Variants in BRINP3 observed in about 807,000 individuals in gnomAD.
The protein encoded by BRINP3 is BMP/retinoic acid-inducible neural-specific protein 3.
In BRINP3, 19 loss-of-function variants were observed where a neutral mutation model predicts 71.0. The observed-to-expected ratio is 0.27, with a 90% CI of 0.19 to 0.39. The LOEUF is 0.39. Among genes scored for constraint, BRINP3 ranks in the 10% least tolerant of loss-of-function variants. The pLI is 1.00. For synonymous variants in BRINP3, 380 were observed against 337.7 expected, an observed-to-expected ratio of 1.13 and a Z score of -1.37; for missense variants, 959 against 940.8, an observed-to-expected ratio of 1.02 and a Z score of -0.25.
intron 2 of BRINP3, among the ~76,000 whole-genome samples, chr1:190,384,856 A>C (rs1319327671): frequency 6.6e-6 from 1 of 152,020 alleles, no homozygotes; most frequent in East Asian, 1.9e-4. Flanking sequence ...TATAAGAAAC[A>C]AAATTAGATG....
chr1:190,182,624 G>A (rs1013449778), intron 6 of BRINP3, among the ~76,000 whole-genome samples: 1 of 152,080 alleles, frequency 6.6e-6, no homozygotes, highest in Admixed American at 6.6e-5. Context: ...AGCTCAGCGA[G>A]GTAATCTCTG....
intron 4 of BRINP3, among the ~76,000 whole-genome samples, chr1:190,237,363 G>T (rs1658622643): frequency 6.6e-6 from 1 of 151,144 alleles, no homozygotes; most frequent in African/African-American, 2.4e-5. Context: ...TAGTAAATGT[G>T]CTCATACTTA....
chr1:190,387,972 A>G (rs1415439610), intron 2 of BRINP3, among the ~76,000 whole-genome samples: 3 of 151,870 alleles, frequency 2.0e-5, no homozygotes, highest in Non-Finnish European at 4.4e-5. Flanking sequence ...TTTTATAAAA[A>G]GCCTTCTTCT....
At position 190,300,666 on chromosome 1, in the gene BRINP3, G is replaced by A. The variant is rs188681619; in HGVS notation, c.237-18916C>T. Among the ~76,000 whole-genome samples the A allele has an allele frequency of 1.1e-4, 17 of 152,158 alleles. 1 individual carries two copies. The East Asian group carries it at 3.3e-3, about 29-fold the overall frequency. ...TGGGAGGCACCCCCCAGCAGGGGCA[G>A]ACTGACACCTCACACGGCCAGGTAG... is the stretch of plus-strand genomic sequence containing the variant. On this transcript the variant is annotated intron_variant, in intron 2 of 7. Transcript: ENST00000367462.
intron 2 of BRINP3, among the ~76,000 whole-genome samples, chr1:190,446,209 T>G (rs1224496273): frequency 6.6e-6 from 1 of 152,092 alleles, no homozygotes; most frequent in Non-Finnish European, 1.5e-5. Flanking sequence ...TATTATATGG[T>G]TTAATCTCAA....
At chr1:190,303,749 A>C (rs925613724) in intron 2 of BRINP3, among the ~76,000 whole-genome samples, 3 of 151,934 alleles carry the variant, frequency 2.0e-5, no homozygotes, top group South Asian at 2.1e-4. Context: ...AATTTGGCTC[A>C]GTCTCAATAT....
chr1:190,207,542 A>G (rs548217239), intron 6 of BRINP3, among the ~76,000 whole-genome samples: 11 of 152,250 alleles, frequency 7.2e-5, no homozygotes, highest in Admixed American at 3.3e-4. Flanking sequence ...CAAAAATTAA[A>G]TGAGACTCTC....
chr1:190,453,014 G>A (rs1379721344), intron 2 of BRINP3, among the ~76,000 whole-genome samples: 1 of 151,986 alleles, frequency 6.6e-6, no homozygotes, highest in Non-Finnish European at 1.5e-5. Flanking sequence ...CAGTTTGTGT[G>A]ATAGAGTGTT....
intron 6 of BRINP3, among the ~76,000 whole-genome samples, chr1:190,169,354 T>G (rs943114538): frequency 6.6e-6 from 1 of 152,162 alleles, no homozygotes; most frequent in African/African-American, 2.4e-5. Context: ...TGATCTGTAT[T>G]GGTGTGGCAG....
At chr1:190,134,772 A>C (rs1209714535) in intron 7 of BRINP3, among the ~76,000 whole-genome samples, 7 of 152,114 alleles carry the variant, frequency 4.6e-5, no homozygotes, top group African/African-American at 1.7e-4. Context: ...GGGATATTAA[A>C]TTTGCATAAT....
intron 2 of BRINP3, among the ~76,000 whole-genome samples, chr1:190,299,901 G>A (rs1350888518): frequency 6.6e-6 from 1 of 152,190 alleles, no homozygotes; most frequent in Non-Finnish European, 1.5e-5. Flanking sequence ...GGCTTGTAGA[G>A]TTTCTGCCGA....
intron 6 of BRINP3, among the ~76,000 whole-genome samples, chr1:190,200,381 A>C (rs1044250703): frequency 6.6e-6 from 1 of 152,150 alleles, no homozygotes; most frequent in Non-Finnish European, 1.5e-5. Context: ...TAGAACATAT[A>C]GAACATGAAC....
At chr1:190,239,097 A>G (rs1658807362) in intron 4 of BRINP3, among the ~76,000 whole-genome samples, 1 of 152,060 alleles carries the variant, frequency 6.6e-6, no homozygotes, top group African/African-American at 2.4e-5. Flanking sequence ...CTCTCCTGAG[A>G]ACTTACTATC....
chr1:190,442,513 A>G (rs1674893772), intron 2 of BRINP3, among the ~76,000 whole-genome samples: 1 of 152,232 alleles, frequency 6.6e-6, no homozygotes, highest in African/African-American at 2.4e-5. Flanking sequence ...CTATTTCAAA[A>G]GAGAAAAGAA....
chr1:190,461,466 A>G (rs1676395752), intron 1 of BRINP3, among the ~76,000 whole-genome samples: 1 of 152,138 alleles, frequency 6.6e-6, no homozygotes, highest in Non-Finnish European at 1.5e-5. Flanking sequence ...ATGATGGTAC[A>G]TTTACATGAT....
At chr1:190,373,411 T>C (rs546872157) in intron 2 of BRINP3, among the ~76,000 whole-genome samples, 1 of 149,742 alleles carries the variant, frequency 6.7e-6, no homozygotes, top group Admixed American at 6.7e-5. Context: ...ATAAAGTAGA[T>C]AATTCCTTAA....
intron 2 of BRINP3, among the ~76,000 whole-genome samples, chr1:190,353,382 T>C (rs901291442): frequency 6.6e-6 from 1 of 152,042 alleles, no homozygotes; most frequent in African/African-American, 2.4e-5. Context: ...AGTAAAAGTA[T>C]GGTTTTTGAA....
chr1:190,287,490 T>C (rs1050410472), intron 2 of BRINP3, among the ~76,000 whole-genome samples: 3 of 152,086 alleles, frequency 2.0e-5, no homozygotes, highest in African/African-American at 7.2e-5. Flanking sequence ...TGGGAAAAAT[T>C]TTTGGATGAT....
chr1:190,321,359 ATGTT>A (rs1347383442), intron 2 of BRINP3, among the ~76,000 whole-genome samples: 1 of 152,166 alleles, frequency 6.6e-6, no homozygotes, highest in African/African-American at 2.4e-5. Context: ...CCATTCATGT[ATGTT>A]TCTAATTCTC....
Sources: gnomAD v4.1 joint callset for allele counts (sites outside exome capture counted in the v4.1 genomes callset) on GRCh38, gnomAD v4.1.1 for gene constraint, MANE v1.5 for transcripts, NCBI Gene and HGNC (gene_info 2026-07-23, HGNC 2026-07-21) for gene names.